MAK: variants seen among roughly 807,000 people sequenced by gnomAD.
MAK encodes the protein serine/threonine-protein kinase MAK.
A neutral mutation model predicts 82.6 loss-of-function variants in MAK; 65 were observed. That is an observed-to-expected ratio of 0.79 (90% CI 0.64 to 0.97). The LOEUF is 0.97. MAK is among the 50% of genes least tolerant of loss of function. The pLI is 0.00. For synonymous variants in MAK, 250 were observed against 274.2 expected, an observed-to-expected ratio of 0.91 and a Z score of 0.87; for missense variants, 703 against 780.2, an observed-to-expected ratio of 0.90 and a Z score of 1.18.
At chr6:10,773,158 TAGGA>T (rs1244316092) in intron 12 of MAK, 50 bp from the exon 13 acceptor site, 23 of 1,068,714 alleles carry the variant, frequency 2.2e-5, no homozygotes, top group Admixed American at 7.5e-5. Context: ...GAGAATGTTA[TAGGA>T]AAAGCAGAGA....
chr6:10,817,773 C>T (rs1270866839), intron 4 of MAK, 77 bp downstream of exon 4: 3 of 1,181,434 alleles, frequency 2.5e-6, no homozygotes, highest in African/African-American at 1.5e-5. Flanking sequence ...ATCTTTCTCT[C>T]ATAAAGTATG....
At position 10,800,816 on chromosome 6, in the gene MAK, G is replaced by C. The variant is rs923583774; in HGVS notation, c.831+1076C>G. Among the ~76,000 whole-genome samples, 1 of 151,144 alleles carries C rather than the reference G, an allele frequency of 6.6e-6. No homozygotes were observed. The highest frequency in any genetic ancestry group is 1.5e-5 in the Non-Finnish European group (1 of 67,850). On this transcript the variant is annotated intron_variant, in intron 8 of 14. Transcript: ENST00000354489. The surrounding 1 kb of genome is among the most constrained non-coding windows in gnomAD (Gnocchi z 4.2). ...GATCATGCCATTGCACTCCAGCCTG[G>C]GCAACAAGAGTGAAACTCCATCTCA...
intron 3 of MAK, 47 bp downstream of exon 3, chr6:10,818,839 G>T: frequency 2.1e-6 from 2 of 970,194 alleles, no homozygotes; most frequent in Non-Finnish European, 3.3e-6. Flanking sequence ...ACGGTCCTCA[G>T]GTAGTGTTAA....
chr6:10,811,725 C>T (rs1283809488), intron 5 of MAK, among the ~76,000 whole-genome samples: 2 of 151,946 alleles, frequency 1.3e-5, no homozygotes, highest in Non-Finnish European at 1.5e-5. Context: ...TAAAAGACCC[C>T]AATAGTTTAC....
intron 11 of MAK, chr6:10,779,286 T>A: frequency 1.1e-6 from 1 of 950,874 alleles, no homozygotes; most frequent in Non-Finnish European, 1.3e-6. Context: ...CATACTGTAT[T>A]TGCAACTATC....
rs1561991957 is a variant in MAK at position 10,815,940 on chromosome 6, AT to A, written c.278+1909del. Among the ~76,000 whole-genome samples, 54 of 89,824 alleles carry A rather than the reference AT, an allele frequency of 6.0e-4. 4 individuals are homozygous for A. Among genetic ancestry groups the A allele is most frequent in the African/African-American group, 2.0e-3 (54 of 27,084 alleles). 58.9% of individuals were successfully genotyped at this position (89,824 alleles called of 152,430 possible). ...TATATATATATATATATATATATATATATATATGTATGTTTTCTTTTTTGTT... is the reference window on the plus strand; with the variant it reads ...TATATATATATATATATATATATATAATATATGTATGTTTTCTTTTTTGTT... On this transcript the variant is annotated intron_variant, in intron 4 of 14. Coordinates refer to ENST00000354489, the MANE Select transcript of MAK (RefSeq NM_001242957.3).
chr6:10,809,728 T>C (rs1368191648), intron 5 of MAK, among the ~76,000 whole-genome samples: 1 of 152,218 alleles, frequency 6.6e-6, no homozygotes, highest in Non-Finnish European at 1.5e-5. Context: ...CCAATAATTA[T>C]AATGTTTATA....
intron 5 of MAK, among the ~76,000 whole-genome samples, chr6:10,811,985 A>G (rs1239000907): frequency 6.6e-6 from 1 of 152,180 alleles, no homozygotes; most frequent in Non-Finnish European, 1.5e-5. Flanking sequence ...GGATCACTTG[A>G]GTCCAGGAGT....
intron 2 of MAK, 59 bp from the exon 3 acceptor site, chr6:10,818,999 A>G (rs1777715869): frequency 5.4e-6 from 5 of 924,570 alleles, no homozygotes; most frequent in Non-Finnish European, 8.8e-6. Flanking sequence ...GACACACATT[A>G]CACTGTTGGC....
At chr6:10,783,864 C>CA (rs766846484) in intron 11 of MAK, among the ~76,000 whole-genome samples, 8 of 152,106 alleles carry the variant, frequency 5.3e-5, no homozygotes, top group South Asian at 4.1e-4. Flanking sequence ...ACTAAAAATG[C>CA]AAAAATTAGC....
chr6:10,811,711 C>A (rs924964158), intron 5 of MAK, among the ~76,000 whole-genome samples: 2 of 152,110 alleles, frequency 1.3e-5, no homozygotes, highest in Non-Finnish European at 2.9e-5. Context: ...AGGATTTAGA[C>A]TTTTAAAAGA....
chr6:10,790,595 G>A (rs9467543), intron 10 of MAK, among the ~76,000 whole-genome samples: 5,740 of 152,224 alleles, frequency 0.038, 327 homozygotes, highest in African/African-American at 0.13. Flanking sequence ...TAGCGAGGAG[G>A]CAGTTAGTGA....
chr6:10,818,923 T>C lies in MAK; in HGVS notation c.119A>G (p.Tyr40Cys), dbSNP rs560065834. Residue 40 changes from tyrosine (Y) to cysteine (C), a missense_variant, in exon 3 of 15, where the codon TAT becomes TGT. Coordinates refer to ENST00000354489, the MANE Select transcript of MAK (RefSeq NM_001242957.3). ...CAAGTTCATGCATTCATCCCAAGAA[T>C]AGAACTTTCTCTTCATCCTAAAATA... is the stretch of plus-strand genomic sequence containing the variant. Reference protein sequence around the residue: ...VAIKRMKRKFYSWDECMNLRE... With the variant: ...VAIKRMKRKFCSWDECMNLRE... The C allele has an allele frequency of 5.1e-6, 8 of 1,583,910 alleles. No individual in the cohort carries two copies. The highest frequency in any genetic ancestry group is 4.5e-5 in the East Asian group (2 of 44,726).
intron 5 of MAK, among the ~76,000 whole-genome samples, chr6:10,813,015 C>A (rs1348840030): frequency 7.2e-6 from 1 of 139,216 alleles, no homozygotes; most frequent in Non-Finnish European, 1.5e-5. Context: ...TCCCCCCCCC[C>A]GCCTCGGCCT....
chr6:10,824,029 ACT>A (rs1458958938), intron 2 of MAK, among the ~76,000 whole-genome samples: 1 of 151,806 alleles, frequency 6.6e-6, no homozygotes, highest in Non-Finnish European at 1.5e-5. Context: ...GAGAATGAAG[ACT>A]CTAATATCTG....
chr6:10,792,147 T>C (rs1775142836), intron 9 of MAK, among the ~76,000 whole-genome samples: 1 of 42,328 alleles, frequency 2.4e-5, no homozygotes, highest in Non-Finnish European at 3.9e-5. Context: ...GACTTGGCTA[T>C]GCTCTTTGGG....
intron 10 of MAK, among the ~76,000 whole-genome samples, chr6:10,791,152 A>C (rs1775045179): frequency 6.6e-6 from 1 of 151,818 alleles, no homozygotes; most frequent in Admixed American, 6.6e-5. Context: ...AGACACACAC[A>C]CCCCACTCAT....
intron 10 of MAK, among the ~76,000 whole-genome samples, chr6:10,785,291 C>T (rs988690266): frequency 3.9e-5 from 6 of 152,172 alleles, no homozygotes; most frequent in Admixed American, 3.3e-4. Flanking sequence ...GGCAGCAGTG[C>T]GTGAGGCGGC....
At chr6:10,778,774 T>C (rs547530458) in intron 11 of MAK, among the ~76,000 whole-genome samples, 11 of 151,320 alleles carry the variant, frequency 7.3e-5, no homozygotes, top group Admixed American at 3.3e-4. Flanking sequence ...ATAAACAGGG[T>C]GGAAGGAAAG....
Sources: allele counts gnomAD v4.1 joint callset (sites outside exome capture counted in the v4.1 genomes callset), GRCh38; gene constraint gnomAD v4.1.1; non-coding constraint Gnocchi (gnomAD v3.1); transcripts MANE v1.5; gene names NCBI Gene and HGNC (gene_info 2026-07-23, HGNC 2026-07-21).